NDEL1: variants seen among roughly 807,000 people sequenced by gnomAD.
NDEL1 encodes the protein nudE neurodevelopment protein 1 like 1.
In NDEL1, 9 loss-of-function variants were observed where a neutral mutation model predicts 45.7. The observed-to-expected ratio is 0.20, with a 90% CI of 0.12 to 0.34. NDEL1 has a LOEUF of 0.34. Among genes scored for constraint, NDEL1 ranks in the 10% least tolerant of loss-of-function variants. NDEL1 has a pLI of 1.00. For missense variants in NDEL1, 306 were observed against 406.2 expected, an observed-to-expected ratio of 0.75 and a Z score of 2.12; for synonymous variants, 133 against 158.6, an observed-to-expected ratio of 0.84 and a Z score of 1.21.
At chr17:8,451,237 T>G (rs1405970057) in intron 6 of NDEL1, among the ~76,000 whole-genome samples, 2 of 152,224 alleles carry the variant, frequency 1.3e-5, no homozygotes, top group Admixed American at 6.5e-5. Context: ...CAGCCGTATG[T>G]TTAGGTAGAA....
intron 1 of NDEL1, among the ~76,000 whole-genome samples, chr17:8,423,300 GT>G (rs1296249040): frequency 6.6e-6 from 1 of 152,142 alleles, no homozygotes; most frequent in Non-Finnish European, 1.5e-5. Context: ...ATATCATTAT[GT>G]TTTCAGTTAG....
intron 8 of NDEL1, among the ~76,000 whole-genome samples, chr17:8,462,057 GGGACCTTAGGGTGAGCTGAAGCCA>G (rs1911243787): frequency 6.6e-6 from 1 of 151,822 alleles, no homozygotes; most frequent in Admixed American, 6.6e-5. Flanking sequence ...GGGAGATGTG[GGGACCTTAGGGTGAGCTGAAGCCA>G]GGAACAGGCC....
chr17:8,462,180 T>C (rs1484222023), intron 8 of NDEL1, among the ~76,000 whole-genome samples: 1 of 152,004 alleles, frequency 6.6e-6, no homozygotes, highest in Non-Finnish European at 1.5e-5. Context: ...GGAAATGTGC[T>C]GTGCTTCCCA....
chr17:8,436,560 C>G (rs950184773), intron 1 of NDEL1: 1 of 152,346 alleles, frequency 6.6e-6, no homozygotes, highest in Non-Finnish European at 1.5e-5. Context: ...TGGCATTCTC[C>G]TGACTCCCGC....
At chr17:8,473,659 T>C (rs11078754) in intron 3 of NDEL1, among the ~76,000 whole-genome samples, 146,783 of 152,292 alleles carry the variant, frequency 0.96, 70,986 homozygotes, top group Middle Eastern at 1. Context: ...CACACGTTTC[T>C]ACTGCTGCCA....
chr17:8,430,060 G>C (rs1258836077), intron 1 of NDEL1, among the ~76,000 whole-genome samples: 3 of 152,126 alleles, frequency 2.0e-5, no homozygotes, highest in Non-Finnish European at 1.5e-5. Flanking sequence ...AAATGATTAG[G>C]GGGATTTGAT....
At chr17:8,425,363 C>A (rs914498353) in intron 1 of NDEL1, among the ~76,000 whole-genome samples, 1 of 152,212 alleles carries the variant, frequency 6.6e-6, no homozygotes, top group African/African-American at 2.4e-5. Context: ...TGGAGGATCG[C>A]TTGAGCCTAG....
In NDEL1 at chr17:8,443,436, C is replaced by T. The variant is rs566776824; in HGVS notation, c.-12-824C>T. The stretch of plus-strand genomic sequence containing the variant: ...GGGGAGCCACTCCAGGTAGAGAAAA[C>T]CTGGAGTAGTTTTCCATGCCTGAAA... On this transcript the variant is annotated intron_variant, in intron 1 of 8. Coordinates refer to ENST00000334527, the MANE Select transcript of NDEL1 (RefSeq NM_030808.5). 2.6e-5 allele frequency among the ~76,000 whole-genome samples: 4 copies of T among 152,156 alleles called. No individual in the cohort carries two copies. In the South Asian group the frequency reaches 8.3e-4, roughly 32 times the overall value.
chr17:8,439,954 C>T (rs1461575492), intron 1 of NDEL1, among the ~76,000 whole-genome samples: 1 of 152,162 alleles, frequency 6.6e-6, no homozygotes, highest in Non-Finnish European at 1.5e-5. Flanking sequence ...GCATCAGTAG[C>T]GAGTCTGAAC....
rs1597539933 is a variant in NDEL1, at chr17:8,448,410, A to G, written c.390-140A>G. ...CACTACGTGCCAGCAGTGGTCAGGAAGGGGCAAGATCATCTTCTTTGATTG... is the reference window on the plus strand; with the variant it reads ...CACTACGTGCCAGCAGTGGTCAGGAGGGGGCAAGATCATCTTCTTTGATTG... On this transcript the variant is annotated intron_variant, in intron 4 of 8. Transcript: ENST00000334527. 4 of 810,798 alleles carry G rather than the reference A, an allele frequency of 4.9e-6. No individual in the cohort carries two copies. In the South Asian group the frequency reaches 7.5e-5, roughly 15 times the overall value. 50.2% of individuals were successfully genotyped at this position (810,798 alleles called of 1,614,324 possible).
At chr17:8,440,522 A>T (rs1909663446) in intron 1 of NDEL1, among the ~76,000 whole-genome samples, 1 of 152,118 alleles carries the variant, frequency 6.6e-6, no homozygotes, top group Admixed American at 6.6e-5. Context: ...TCAAAAAAAA[A>T]AAAAAAAAAA....
upstream of NDEL1, among the ~76,000 whole-genome samples, chr17:8,434,752 C>A (rs1160909878): frequency 6.6e-6 from 1 of 151,844 alleles, no homozygotes; most frequent in Non-Finnish European, 1.5e-5. Context: ...TGTGTGTTTA[C>A]GTACTAAAAA....
intron 1 of NDEL1, among the ~76,000 whole-genome samples, chr17:8,415,766 T>C (rs1908533113): frequency 7.3e-6 from 1 of 136,720 alleles, no homozygotes. Context: ...TTGTGGTAAA[T>C]AGATGGAGTC....
intron 5 of NDEL1, among the ~76,000 whole-genome samples, chr17:8,449,475 A>G (rs748083474): frequency 1.3e-5 from 2 of 152,200 alleles, no homozygotes; most frequent in Non-Finnish European, 2.9e-5. Context: ...AAGTATAGTC[A>G]AATTGTTGTG....
chr17:8,463,723 C>T (rs991364547), intron 8 of NDEL1, among the ~76,000 whole-genome samples: 5 of 152,340 alleles, frequency 3.3e-5, no homozygotes, highest in South Asian at 4.1e-4. Context: ...GGGGTCTTCC[C>T]GTTACCCAGT....
intron 1 of NDEL1, among the ~76,000 whole-genome samples, chr17:8,416,652 G>A (rs759714373): frequency 6.6e-6 from 1 of 152,018 alleles, no homozygotes; most frequent in African/African-American, 2.4e-5. Context: ...TTTTTTCATC[G>A]ATTGTCCTGC....
At chr17:8,420,849 G>A (rs531129374) in intron 1 of NDEL1, among the ~76,000 whole-genome samples, 3 of 152,340 alleles carry the variant, frequency 2.0e-5, no homozygotes, top group Non-Finnish European at 2.9e-5. Flanking sequence ...GATGAGCATG[G>A]AGACAGGAAG....
At chr17:8,472,054 CTTT>C (rs1234365618), downstream of NDEL1, among the ~76,000 whole-genome samples, 1 of 150,436 alleles carries the variant, frequency 6.6e-6, no homozygotes, top group African/African-American at 2.5e-5. Context: ...CCTGTTCTGG[CTTT>C]TTTCTTTTTT....
chr17:8,415,682 C>G (rs1429378324), intron 1 of NDEL1, among the ~76,000 whole-genome samples: 1 of 151,988 alleles, frequency 6.6e-6, no homozygotes, highest in Non-Finnish European at 1.5e-5. Context: ...GCCTCGGTCT[C>G]CCAGCGCTGG....
Sources: allele counts gnomAD v4.1 joint callset (sites outside exome capture counted in the v4.1 genomes callset), GRCh38; gene constraint gnomAD v4.1.1; transcripts MANE v1.5; gene names NCBI Gene and HGNC (gene_info 2026-07-23, HGNC 2026-07-21).